Variants in SETD4 observed in about 807,000 individuals in gnomAD.
SETD4 encodes the protein SET domain containing 4.
Under a neutral mutation model 58.3 loss-of-function variants are expected in SETD4, and 46 were observed. That is an observed-to-expected ratio of 0.79 (90% CI 0.62 to 1.01). The LOEUF is 1.01. Among genes scored for constraint, SETD4 ranks in the 50% least tolerant of loss-of-function variants. SETD4 has a pLI of 0.00. For synonymous variants in SETD4, 190 were observed against 202.6 expected, an observed-to-expected ratio of 0.94 and a Z score of 0.53; for missense variants, 490 against 523.3, an observed-to-expected ratio of 0.94 and a Z score of 0.62.
chr21:36,055,179 G>A (rs572159306), intron 3 of SETD4, among the ~76,000 whole-genome samples: 1 of 152,310 alleles, frequency 6.6e-6, no homozygotes, highest in East Asian at 1.9e-4. Flanking sequence ...AAACTTACGT[G>A]CTAATCTAAG....
intron 4 of SETD4, chr21:36,051,017 G>A (rs567680366): frequency 1.3e-6 from 2 of 1,552,428 alleles, no homozygotes; most frequent in African/African-American, 2.7e-5. Flanking sequence ...ACCTGTTGAT[G>A]AAAGATGGCA....
At chr21:36,045,408 T>C (rs749723530) in intron 6 of SETD4, among the ~76,000 whole-genome samples, 174 bp downstream of exon 6, 22 of 152,004 alleles carry the variant, frequency 1.4e-4, no homozygotes, top group Non-Finnish European at 2.4e-4. Flanking sequence ...GCGGGAGGGA[T>C]AGTGGGGTCT....
chr21:36,042,279 A>T (rs1327551131), intron 7 of SETD4: 2 of 153,958 alleles, frequency 1.3e-5, no homozygotes, highest in East Asian at 1.9e-4. Flanking sequence ...AATTCAAAGC[A>T]GTCTGGATAT....
At chr21:36,045,200 T>C (rs2064251145) in intron 6 of SETD4, among the ~76,000 whole-genome samples, 1 of 152,092 alleles carries the variant, frequency 6.6e-6, no homozygotes, top group African/African-American at 2.4e-5. Context: ...CGAAGAGAAA[T>C]GCTGTGACAG....
rs575631068 is a variant in SETD4, at chr21:36,053,584, T to G, written c.206A>C (p.Gln69Pro). ...GRGLMSQTSLQEGQMIISLPE... is the reference protein window; with the variant it reads ...GRGLMSQTSLPEGQMIISLPE... Reference sequence around the variant, plus strand: ...CAAGGATCAAAGAACAGTTCTCACCTGCAGGGATGTTTGACTCATCAGCCC... The same window carrying G: ...CAAGGATCAAAGAACAGTTCTCACCGGCAGGGATGTTTGACTCATCAGCCC... The change falls in exon 4 of 12, where the codon CAG becomes CCG. Residue 69 changes from glutamine to proline, a missense_variant and splice_region_variant. Physicochemically the swap from Gln to Pro is moderately conservative, Grantham distance 76. Transcript: ENST00000332131. 1.2e-6 allele frequency: 2 copies of G among 1,614,196 alleles called. No homozygotes were observed. Among genetic ancestry groups the G allele is most frequent in the African/African-American group, 1.3e-5 (1 of 75,072 alleles).
chr21:36,056,735 TTTA>T (rs1394726481), intron 3 of SETD4, among the ~76,000 whole-genome samples: 3 of 151,964 alleles, frequency 2.0e-5, no homozygotes, highest in Admixed American at 1.3e-4. Flanking sequence ...CTTTTGTACT[TTTA>T]GTAGAGACAG....
chr21:36,045,957 T>C lies in SETD4; in HGVS notation c.351A>G (p.Glu117=). 6.2e-7 allele frequency: 1 copy of C among 1,614,192 alleles called. No individual in the cohort carries two copies. The highest frequency in any genetic ancestry group is 8.5e-7 in the Non-Finnish European group (1 of 1,180,038). Residue 117 remains glutamate, a synonymous_variant, in exon 6 of 12, where the codon GAA becomes GAG. Transcript: ENST00000332131. The stretch of plus-strand genomic sequence containing the variant: ...AAAGAGATCGGTGCCCAGCATGCTT[T>C]TCTGAAACTAAAAAGGTGCACAGCG... ...LLALCTFLVS[E]KHAGHRSLWK...
chr21:36,052,793 A>G (rs908149628), intron 4 of SETD4: 6 of 152,170 alleles, frequency 3.9e-5, no homozygotes, highest in African/African-American at 1.4e-4. Flanking sequence ...TTACTTCCTC[A>G]TTTTGTAGGT....
intron 3 of SETD4, among the ~76,000 whole-genome samples, chr21:36,054,585 C>T (rs754940395): frequency 3.3e-5 from 5 of 151,630 alleles, no homozygotes; most frequent in Non-Finnish European, 5.9e-5. Context: ...TTGATGCTCC[C>T]GGCTCATGGT....
rs371830739 is a variant in SETD4 at position 36,040,602 on chromosome 21, T to A, written c.1037A>T (p.Lys346Met). ...GPSWRLLTAL[K>M]LLCLEAEKFT... Reference sequence around the variant, plus strand: ...TTTCTCAGCTTCCAGACATAACAACTTAAGGGCTGTGAGTAGCCTCCAAGA... The same window carrying A: ...TTTCTCAGCTTCCAGACATAACAACATAAGGGCTGTGAGTAGCCTCCAAGA... The change falls in exon 9 of 12, where the codon AAG (lysine) becomes ATG (methionine). Residue 346 changes from lysine to methionine, a missense_variant. Transcript: ENST00000332131. 1.2e-6 allele frequency: 2 copies of A among 1,613,844 alleles called. No individual in the cohort carries two copies. The highest frequency in any genetic ancestry group is 8.5e-7 in the Non-Finnish European group (1 of 1,179,800).
chr21:36,036,904 G>T (rs764760532), intron 10 of SETD4, among the ~76,000 whole-genome samples: 1 of 152,210 alleles, frequency 6.6e-6, no homozygotes, highest in Non-Finnish European at 1.5e-5. Flanking sequence ...AGGACATGCT[G>T]TCACACGGCA....
intron 10 of SETD4, 57 bp from the exon 11 acceptor site, chr21:36,036,308 A>G: frequency 1.5e-6 from 2 of 1,352,152 alleles, no homozygotes; most frequent in Non-Finnish European, 1.9e-6. Flanking sequence ...TATATTTCAC[A>G]GAACGTACGT....
chr21:36,059,799 C>T, intron 1 of SETD4: 1 of 985,440 alleles, frequency 1.0e-6, no homozygotes, highest in Non-Finnish European at 1.2e-6. Context: ...CGCACTTCCG[C>T]AGTATAAGGT....
rs956996444 is a variant in SETD4, at chr21:36,043,787, G to A, written c.896C>T (p.Ser299Leu). ...AGAACAAAGTTGATTCCAACCTCTT[G>A]AGACATAAACACAAGCATGAGGATT... is the stretch of plus-strand genomic sequence containing the variant. The part of the protein sequence containing the change: ...VHNPHACVYV[S>L]REILVKYLPS... Residue 299 changes from serine to leucine, a missense_variant, in exon 7 of 12, where the codon TCA becomes TTA. Physicochemically the swap from Ser to Leu is moderately radical, Grantham distance 145. Coordinates refer to ENST00000332131, the MANE Select transcript of SETD4 (RefSeq NM_017438.5). The A allele has an allele frequency of 1.2e-6, 2 of 1,614,088 alleles. No homozygotes were observed. Among genetic ancestry groups the A allele is most frequent in the Non-Finnish European group, 1.7e-6 (2 of 1,179,982 alleles).
intron 10 of SETD4, 121 bp downstream of exon 10, chr21:36,038,029 T>A: frequency 8.8e-7 from 1 of 1,135,920 alleles, no homozygotes; most frequent in Non-Finnish European, 1.2e-6. Context: ...ACATCAACAT[T>A]TATTTATTTA....
intron 4 of SETD4, among the ~76,000 whole-genome samples, chr21:36,049,561 G>GA (rs997893130): frequency 1.2e-4 from 18 of 149,578 alleles, no homozygotes; most frequent in South Asian, 4.2e-4. Flanking sequence ...TCTCAAAAAA[G>GA]AAAAAAAAAA....
In SETD4 at chr21:36,060,137, G is replaced by C. The variant is rs1022195392; in HGVS notation, c.-37+210C>G. On this transcript the variant is annotated intron_variant, in intron 1 of 11. Transcript: ENST00000332131. ...GCCTCAGGCTCCTCAGCTTTACGCA[G>C]CGCGCCGGAGCAACATGCGCTAAGT... The C allele has an allele frequency of 1.2e-5, 12 of 985,378 alleles. No individual in the cohort carries two copies. The African/African-American group carries it at 2.1e-4, about 17-fold the overall frequency. The allele number at this position is 985,378 out of a possible 1,614,324, so 61.0% of individuals were successfully genotyped here.
intron 5 of SETD4, among the ~76,000 whole-genome samples, chr21:36,047,615 G>A (rs944442318): frequency 9.9e-5 from 15 of 152,056 alleles, no homozygotes; most frequent in African/African-American, 3.4e-4. Flanking sequence ...TTATTTCTTA[G>A]TCAGTGATGG....
intron 1 of SETD4, chr21:36,060,039 G>T: frequency 8.1e-6 from 8 of 985,530 alleles, no homozygotes; most frequent in Non-Finnish European, 9.6e-6. Flanking sequence ...AACTCTAGCC[G>T]TGAGGCCGTC....
Sources: gnomAD v4.1 joint callset for allele counts (sites outside exome capture counted in the v4.1 genomes callset) on GRCh38, gnomAD v4.1.1 for gene constraint, MANE v1.5 for transcripts, NCBI Gene and HGNC (gene_info 2026-07-23, HGNC 2026-07-21) for gene names.